Variants in MAF observed in about 807,000 individuals in gnomAD.
MAF encodes the protein transcription factor Maf.
MAF carries 10 observed loss-of-function variants against 22.0 expected under a neutral mutation model. The observed-to-expected ratio is 0.45, with a 90% confidence interval of 0.28 to 0.77. The LOEUF is 0.77. Among genes scored for constraint, MAF ranks in the 30% least tolerant of loss-of-function variants. MAF has a pLI of 0.12. For missense variants in MAF, 544 were observed against 548.4 expected, an observed-to-expected ratio of 0.99 and a Z score of 0.08; for synonymous variants, 337 against 255.8, an observed-to-expected ratio of 1.32 and a Z score of -3.03.
chr16:79,363,820 T>A, the MAF span, among the ~76,000 whole-genome samples: 1 of 152,094 alleles, frequency 6.6e-6, no homozygotes, highest in East Asian at 1.9e-4. Context: ...GACATCTAAG[T>A]GAAGGAAGAG....
At chr16:79,400,976 C>A in the MAF span, among the ~76,000 whole-genome samples, 1 of 152,236 alleles carries the variant, frequency 6.6e-6, no homozygotes, top group Non-Finnish European at 1.5e-5. Context: ...CTCACACATA[C>A]ACAGGCGTCC....
At chr16:79,541,643 A>T in the MAF span, among the ~76,000 whole-genome samples, 1 of 151,488 alleles carries the variant, frequency 6.6e-6, no homozygotes, top group South Asian at 2.1e-4. Flanking sequence ...TTACCAGCTA[A>T]GCTACTAGGG....
At chr16:79,215,283 T>C in the MAF span, among the ~76,000 whole-genome samples, 1 of 152,120 alleles carries the variant, frequency 6.6e-6, no homozygotes, top group Non-Finnish European at 1.5e-5. Context: ...GGTCTTGCTA[T>C]GTTGACCAGG....
At chr16:79,435,820 G>A in the MAF span, among the ~76,000 whole-genome samples, 1 of 152,184 alleles carries the variant, frequency 6.6e-6, no homozygotes, top group Non-Finnish European at 1.5e-5. Flanking sequence ...TAAAAAGCAT[G>A]AACTTGAACT....
chr16:79,331,198 T>C, the MAF span, among the ~76,000 whole-genome samples: 1 of 152,152 alleles, frequency 6.6e-6, no homozygotes, highest in South Asian at 2.1e-4. Flanking sequence ...ACATGGAAGA[T>C]GAAAAATGTG....
At chr16:79,552,702 T>G in the MAF span, among the ~76,000 whole-genome samples, 2 of 152,220 alleles carry the variant, frequency 1.3e-5, no homozygotes, top group Non-Finnish European at 2.9e-5. Context: ...TAGCCGGCCT[T>G]GCTGGGCAGC....
the MAF span, among the ~76,000 whole-genome samples, chr16:79,496,325 A>C: frequency 6.6e-6 from 1 of 152,214 alleles, no homozygotes; most frequent in African/African-American, 2.4e-5. Context: ...TATTGTAACA[A>C]ATAAAAGACT....
the MAF span, among the ~76,000 whole-genome samples, chr16:79,542,651 G>A: frequency 1.3e-5 from 2 of 152,186 alleles, no homozygotes; most frequent in Non-Finnish European, 2.9e-5. Flanking sequence ...TCTTGGCCTG[G>A]AGAATCTTGC....
chr16:79,448,242 A>G, the MAF span, among the ~76,000 whole-genome samples: 86 of 152,248 alleles, frequency 5.6e-4, no homozygotes, highest in Admixed American at 1.8e-3. Flanking sequence ...TTGTCGTCCT[A>G]TTGTAAGAAA....
intron 1 of MAF, among the ~76,000 whole-genome samples, chr16:79,588,751 C>T (rs748846002): frequency 2.3e-4 from 35 of 152,084 alleles, no homozygotes; most frequent in Admixed American, 6.5e-5. Context: ...CATGAGCCAC[C>T]ACACCGGGCC....
At chr16:79,404,029 T>C in the MAF span, among the ~76,000 whole-genome samples, 1 of 152,210 alleles carries the variant, frequency 6.6e-6, no homozygotes, top group Non-Finnish European at 1.5e-5. Flanking sequence ...CACGTATTTC[T>C]AAAAACATTT....
chr16:79,329,455 G>A, the MAF span, among the ~76,000 whole-genome samples: 25 of 152,104 alleles, frequency 1.6e-4, no homozygotes, highest in Admixed American at 5.9e-4. Flanking sequence ...TTCTGGGTCC[G>A]TGGTGGAATT....
the MAF span, among the ~76,000 whole-genome samples, chr16:79,207,162 G>T: frequency 6.6e-6 from 1 of 152,160 alleles, no homozygotes; most frequent in East Asian, 1.9e-4. Flanking sequence ...CATCTCCACC[G>T]CAGCAGCTCT....
At chr16:79,317,509 GCCTCCCTCCCTCCCTCTCTT>G in the MAF span, among the ~76,000 whole-genome samples, 1 of 101,924 alleles carries the variant, frequency 9.8e-6, no homozygotes, top group African/African-American at 3.8e-5. Context: ...TTTCTTTTCT[GCCTCCCTCCCTCCCTCTCTT>G]CCTTCCTTCC....
chr16:79,319,294 G>T, the MAF span, among the ~76,000 whole-genome samples: 2 of 152,212 alleles, frequency 1.3e-5, no homozygotes, highest in Non-Finnish European at 2.9e-5. Context: ...TTAAGCGGGG[G>T]AGAGGACTTA....
At chr16:79,403,502 G>A in the MAF span, among the ~76,000 whole-genome samples, 1 of 152,140 alleles carries the variant, frequency 6.6e-6, no homozygotes, top group African/African-American at 2.4e-5. Flanking sequence ...CTCTGTGCAT[G>A]CCCACTGCCA....
the MAF span, among the ~76,000 whole-genome samples, chr16:79,320,242 T>C: frequency 4.6e-5 from 7 of 152,164 alleles, no homozygotes; most frequent in African/African-American, 1.4e-4. Context: ...TCTCTATATA[T>C]ATACTTAAAG....
At chr16:79,235,079 C>T in the MAF span, among the ~76,000 whole-genome samples, 1 of 152,050 alleles carries the variant, frequency 6.6e-6, no homozygotes, top group Non-Finnish European at 1.5e-5. Flanking sequence ...GATGCAAAAG[C>T]AATAAAGACA....
the MAF span, among the ~76,000 whole-genome samples, chr16:79,572,521 C>G: frequency 6.6e-6 from 1 of 152,172 alleles, no homozygotes; most frequent in Non-Finnish European, 1.5e-5. Context: ...AGAGCAAATT[C>G]AGGTTGATCA....
Sources: allele counts gnomAD v4.1 joint callset (sites outside exome capture counted in the v4.1 genomes callset), GRCh38; gene constraint gnomAD v4.1.1; transcripts MANE v1.5; gene names NCBI Gene and HGNC (gene_info 2026-07-23, HGNC 2026-07-21).